The following EXOC5 variants were observed in gnomAD, a reference collection of about 807,000 sequenced individuals.
The protein encoded by EXOC5 is SEC10-like 1.
Under a neutral mutation model 90.8 loss-of-function variants are expected in EXOC5, and 17 were observed. The ratio of observed to expected loss-of-function variants is 0.19; its 90% CI spans 0.13 to 0.28. The LOEUF (loss-of-function observed/expected upper bound fraction) is 0.28, where lower values mean the gene tolerates loss of function less well. Among genes scored for constraint, EXOC5 ranks in the 10% least tolerant of loss-of-function variants. The pLI, the probability that EXOC5 is intolerant of heterozygous loss-of-function variation, is 1.00. For missense variants in EXOC5, 569 were observed against 830.6 expected (o/e 0.69, Z 3.87); for synonymous variants, 260 against 270.0 (o/e 0.96, Z 0.36).
chr14:57,246,591 G>A, intron 3 of EXOC5, 120 bp downstream of exon 3: 1 of 854,006 alleles, frequency 1.2e-6, no homozygotes, highest in Non-Finnish European at 1.9e-6. Context: ...GACTAAAGCA[G>A]TAGAAAGAAA....
chr14:57,214,099 A>G (rs1310267564), intron 15 of EXOC5, among the ~76,000 whole-genome samples: 4 of 152,008 alleles, frequency 2.6e-5, no homozygotes, highest in African/African-American at 7.3e-5. Flanking sequence ...GAATAAGGAG[A>G]AAAAAAAGCA....
At chr14:57,268,286 C>G (rs957025079) in intron 1 of EXOC5, 70 of 481,162 alleles carry the variant, frequency 1.5e-4, no homozygotes, top group Middle Eastern at 1.1e-3. Flanking sequence ...TGAGTCAGCC[C>G]TTCCCACTAC....
intron 2 of EXOC5, 35 bp from the exon 3 acceptor site, chr14:57,246,893 C>T: frequency 7.7e-7 from 1 of 1,297,718 alleles, no homozygotes; most frequent in East Asian, 2.3e-5. Flanking sequence ...TATCAATCTA[C>T]CTATTATTAA....
At chr14:57,235,468 ATATT>A (rs1288531840) in intron 7 of EXOC5, among the ~76,000 whole-genome samples, 5 of 152,050 alleles carry the variant, frequency 3.3e-5, no homozygotes, top group Non-Finnish European at 5.9e-5. Context: ...AAATTCATCA[ATATT>A]TAATTGATCA....
chr14:57,258,167 T>C (rs888601360), intron 1 of EXOC5, among the ~76,000 whole-genome samples: 1 of 152,194 alleles, frequency 6.6e-6, no homozygotes, highest in Non-Finnish European at 1.5e-5. Context: ...GAATCAGAAA[T>C]ACCATTTGAC....
At chr14:57,238,375 T>TACACACACAC (rs1183693696) in intron 5 of EXOC5, among the ~76,000 whole-genome samples, 37 of 74,874 alleles carry the variant, frequency 4.9e-4, no homozygotes, top group East Asian at 3.1e-3. Context: ...TATATATATA[T>TACACACACAC]ACACACACAC....
chr14:57,215,343 ATAC>A (rs1316198757), intron 15 of EXOC5, among the ~76,000 whole-genome samples: 1 of 152,182 alleles, frequency 6.6e-6, no homozygotes, highest in Non-Finnish European at 1.5e-5. Context: ...CATTACAGTG[ATAC>A]CAAAGCCAGA....
At chr14:57,256,455 G>C (rs896498533) in intron 1 of EXOC5, among the ~76,000 whole-genome samples, 1 of 152,154 alleles carries the variant, frequency 6.6e-6, no homozygotes, top group Admixed American at 6.5e-5. Flanking sequence ...TCCGAGACCA[G>C]CTATAGCAGT....
chr14:57,268,821 C>G lies in EXOC5; in HGVS notation c.-173G>C, dbSNP rs1884790803. ...GAGGGGCGGGAGAGCGGCCATGAAG[C>G]GAAGCCGCAAACGCTTGTCAGCTGC... On this transcript the variant is annotated 5_prime_UTR_variant, in exon 1 of 18. Transcript: ENST00000621441. 1.4e-6 allele frequency: 2 copies of G among 1,392,272 alleles called. No individual in the cohort carries two copies. The highest frequency in any genetic ancestry group is 1.9e-6 in the Non-Finnish European group (2 of 1,078,900). 86.2% of individuals were successfully genotyped at this position (1,392,272 alleles called of 1,614,324 possible).
intron 13 of EXOC5, among the ~76,000 whole-genome samples, chr14:57,220,595 T>C (rs1031016714): frequency 1.3e-5 from 2 of 150,768 alleles, no homozygotes; most frequent in Non-Finnish European, 3.0e-5. Context: ...GAGCCAAGAG[T>C]TCAAAAACAG....
intron 4 of EXOC5, among the ~76,000 whole-genome samples, chr14:57,239,921 C>T (rs1243908639): frequency 6.6e-6 from 1 of 152,102 alleles, no homozygotes; most frequent in Non-Finnish European, 1.5e-5. Flanking sequence ...GCCACAATCC[C>T]TTCCCAATGA....
chr14:57,240,222 T>C (rs1883819089), intron 4 of EXOC5, among the ~76,000 whole-genome samples: 1 of 151,764 alleles, frequency 6.6e-6, no homozygotes, highest in Admixed American at 6.6e-5. Flanking sequence ...CTTTTTTTTT[T>C]TTTTTGAGAC....
chr14:57,212,528 A>G (rs1882860136), intron 15 of EXOC5, among the ~76,000 whole-genome samples: 1 of 152,212 alleles, frequency 6.6e-6, no homozygotes, highest in Non-Finnish European at 1.5e-5. Context: ...TGTCCTTGGC[A>G]TCCTCAATTT....
chr14:57,206,692 A>G lies in EXOC5; in HGVS notation c.*1917T>C, dbSNP rs1005457244. On this transcript the variant is annotated 3_prime_UTR_variant, in exon 18 of 18. Coordinates refer to ENST00000621441, the MANE Select transcript of EXOC5 (RefSeq NM_006544.4). ...CCTATCAACGGACATAATAGAAAATATTGCACAGAACTCAAACATGAAAAT... is the reference window on the plus strand; with the variant it reads ...CCTATCAACGGACATAATAGAAAATGTTGCACAGAACTCAAACATGAAAAT... 2.0e-5 allele frequency: 3 copies of G among 152,456 alleles called. No homozygotes were observed. The highest frequency in any genetic ancestry group is 7.2e-5 in the African/African-American group (3 of 41,436). The allele number at this position is 152,456 out of a possible 1,614,324, so 9.4% of individuals were successfully genotyped here.
intron 5 of EXOC5, among the ~76,000 whole-genome samples, chr14:57,239,343 A>T (rs1883783637): frequency 6.6e-6 from 1 of 152,172 alleles, no homozygotes; most frequent in African/African-American, 2.4e-5. Flanking sequence ...ATTTTTTTTC[A>T]GGAGACAGGG....
chr14:57,224,626 T>C (rs1012779596), intron 12 of EXOC5, among the ~76,000 whole-genome samples: 2 of 152,110 alleles, frequency 1.3e-5, no homozygotes, highest in African/African-American at 4.8e-5. Context: ...TGACTTCACT[T>C]GTGACTTTTA....
chr14:57,224,777 A>G (rs1594656141), intron 12 of EXOC5, among the ~76,000 whole-genome samples: 1 of 152,250 alleles, frequency 6.6e-6, no homozygotes, highest in Non-Finnish European at 1.5e-5. Flanking sequence ...AAAAAGGAAA[A>G]AAAGCTGGGC....
At chr14:57,240,943 C>G (rs559955413) in intron 4 of EXOC5, among the ~76,000 whole-genome samples, 2 of 152,230 alleles carry the variant, frequency 1.3e-5, no homozygotes, top group African/African-American at 4.8e-5. Context: ...ATCTCCACCT[C>G]CTGGGTTCAA....
chr14:57,216,724 T>A (rs186652471), intron 15 of EXOC5, among the ~76,000 whole-genome samples: 126 of 152,318 alleles, frequency 8.3e-4, no homozygotes, highest in Non-Finnish European at 1.6e-3. Flanking sequence ...TTGACATTGA[T>A]GTTGGCAATG....
Sources: gnomAD v4.1 joint callset for allele counts (sites outside exome capture counted in the v4.1 genomes callset) on GRCh38, gnomAD v4.1.1 for gene constraint, MANE v1.5 for transcripts, NCBI Gene and HGNC (gene_info 2026-07-23, HGNC 2026-07-21) for gene names.